TAF6: variants seen among roughly 807,000 people sequenced by gnomAD.
The protein encoded by TAF6 is transcription initiation factor TFIID subunit 6.
TAF6 carries 50 observed loss-of-function variants against 73.5 expected under a neutral mutation model. That is an observed-to-expected ratio of 0.68 (90% CI 0.54 to 0.86). TAF6 has a LOEUF of 0.86. Among genes scored for constraint, TAF6 ranks in the 40% least tolerant of loss-of-function variants. The probability of loss-of-function intolerance (pLI) is 0.00; values close to 1 mark genes in which losing one functional copy is unlikely to be tolerated. For synonymous variants in TAF6, 424 were observed against 376.7 expected (o/e 1.13, Z -1.45); for missense variants, 768 against 899.5 (o/e 0.85, Z 1.87).
Position 100,108,421 on chromosome 7 carries a change from G to T in TAF6, c.1404C>A (p.Ala468=). ...LLCSQVVKAR[A]QAALQAQQVN... is the part of the protein sequence containing the mutation. Reference sequence around the variant, plus strand: ...CCTGCTGAGCCTGCAGAGCAGCCTGGGCCCGAGCCTTGACCACCTGGGAGC... The same window carrying T: ...CCTGCTGAGCCTGCAGAGCAGCCTGTGCCCGAGCCTTGACCACCTGGGAGC... Residue 468 remains alanine, a synonymous_variant, in exon 13 of 15, where the codon GCC becomes GCA. Coordinates refer to ENST00000453269, the MANE Select transcript of TAF6 (RefSeq NM_139315.3). 6.2e-7 allele frequency: 1 copy of T among 1,613,804 alleles called. No individual in the cohort carries two copies. The highest frequency in any genetic ancestry group is 8.5e-7 in the Non-Finnish European group (1 of 1,179,772).
At chr7:100,119,693 A>G (rs185765560), upstream of TAF6, 53 of 1,613,588 alleles carry the variant, frequency 3.3e-5, no homozygotes, top group Admixed American at 8.5e-4. Context: ...GACCCACACT[A>G]CCTTCCCGAA....
upstream of TAF6, among the ~76,000 whole-genome samples, chr7:100,123,766 C>T (rs887228466): frequency 6.6e-6 from 1 of 152,156 alleles, no homozygotes; most frequent in Non-Finnish European, 1.5e-5. Flanking sequence ...GTGATCCACC[C>T]GCCTTGGCCT....
chr7:100,120,027 G>T (rs377215761), upstream of TAF6: 144 of 568,524 alleles, frequency 2.5e-4, no homozygotes, highest in African/African-American at 2.6e-3. Flanking sequence ...AAGCGAACGT[G>T]TAGTGCCACC....
chr7:100,112,700 G>A, intron 6 of TAF6, 98 bp downstream of exon 6: 3 of 1,463,882 alleles, frequency 2.0e-6, no homozygotes, highest in Non-Finnish European at 2.7e-6. Context: ...GGGTGACAGA[G>A]TGAGACTCTG....
upstream of TAF6, among the ~76,000 whole-genome samples, chr7:100,123,643 C>G (rs969843165): frequency 2.6e-5 from 4 of 152,206 alleles, no homozygotes; most frequent in Non-Finnish European, 4.4e-5. Flanking sequence ...GCTTCAGCCT[C>G]CCGAGTAGCT....
rs1053754395 is a variant in TAF6 at position 100,107,246 on chromosome 7, T to C, written c.2034A>G (p.Ter678TrpextTer32). 1.3e-6 allele frequency: 2 copies of C among 1,522,906 alleles called. No homozygotes were observed. The highest frequency in any genetic ancestry group is 1.8e-6 in the Non-Finnish European group (2 of 1,138,708). The allele number at this position is 1,522,906 out of a possible 1,614,324, so 94.3% of individuals were successfully genotyped here. Reference protein sequence around the residue: ...PNSGSPQPAP* With the variant: ...PNSGSPQPAPW Reference sequence around the variant, plus strand: ...AATCCGGGGGCTGGCAGGTGGAGCATCACGGAGCAGGCTGAGGGGAGCCGG... The same window carrying C: ...AATCCGGGGGCTGGCAGGTGGAGCACCACGGAGCAGGCTGAGGGGAGCCGG... Residue 678 changes from the stop codon to tryptophan, a stop_lost, in exon 15 of 15, where the codon TGA (stop) becomes TGG (tryptophan). Transcript: ENST00000453269.
At chr7:100,124,453 G>A (rs1280011253), upstream of TAF6, 1 of 1,337,864 alleles carries the variant, frequency 7.5e-7, no homozygotes, top group East Asian at 2.3e-5. Flanking sequence ...AGGGAGAGAA[G>A]ACAGGCGGGA....
chr7:100,108,226 T>G (rs1162172737), intron 13 of TAF6, 103 bp from the exon 14 acceptor site: 1 of 1,459,834 alleles, frequency 6.9e-7, no homozygotes, highest in African/African-American at 1.4e-5. Flanking sequence ...TGGCTCTCAC[T>G]AGGGCTGGGG....
In TAF6 at chr7:100,119,315, G is replaced by C. The variant is rs1049509838; in HGVS notation, c.-171C>G. 3.9e-6 allele frequency: 4 copies of C among 1,026,124 alleles called. No individual in the cohort carries two copies. The African/African-American group carries it at 5.2e-5, about 13-fold the overall frequency. The allele number at this position is 1,026,124 out of a possible 1,614,324, so 63.6% of individuals were successfully genotyped here. ...GAGCAGGAAAACTCTAGCGGCAGCC[G>C]AGACGCTGCTCACCCGGCGCTCGGC... On this transcript the variant is annotated 5_prime_UTR_variant, in exon 1 of 15. Coordinates refer to ENST00000453269, the MANE Select transcript of TAF6 (RefSeq NM_139315.3).
chr7:100,117,168 C>A lies in TAF6; in HGVS notation c.-60+2036G>T, dbSNP rs145498269. On this transcript the variant is annotated intron_variant, in intron 1 of 14. Transcript: ENST00000453269. ...GGCTGAGGCAGGAGAATTGCTTGAA[C>A]CCAGGAGGTGGAGGTTGCAGTGAGT... is the stretch of plus-strand genomic sequence containing the variant. Among the ~76,000 whole-genome samples, 791 of 151,956 alleles carry A rather than the reference C, an allele frequency of 5.2e-3. 5 individuals are homozygous for A. Among genetic ancestry groups the A allele is most frequent in the Non-Finnish European group, 8.9e-3 (603 of 67,936 alleles).
At chr7:100,124,296 G>A, upstream of TAF6, 1 of 522,638 alleles carries the variant, frequency 1.9e-6, no homozygotes, top group South Asian at 2.5e-5. Flanking sequence ...ATATTTTACA[G>A]GCAAGGAGCT....
chr7:100,121,116 A>ATATATATATTG (rs1584585316), upstream of TAF6: 1 of 52,800 alleles, frequency 1.9e-5, no homozygotes, highest in Non-Finnish European at 3.2e-5. Context: ...ATATATATAT[A>ATATATATATTG]TTTTTTTTTT....
chr7:100,114,286 C>T lies in TAF6; in HGVS notation c.-59-18G>A, dbSNP rs1797490529. On this transcript the variant is annotated intron_variant, in intron 1 of 14. Coordinates refer to ENST00000453269, the MANE Select transcript of TAF6 (RefSeq NM_139315.3). ...CGGAGACCCTGGCAGAGGAACGGGG[C>T]AGGCAGAAGAAAAAGAAACGTGAGA... The T allele has an allele frequency of 6.2e-7, 1 of 1,609,246 alleles. No homozygotes were observed. Among genetic ancestry groups the T allele is most frequent in the South Asian group, 1.1e-5 (1 of 91,016 alleles).
At chr7:100,126,732 C>T in the TAF6 span, 2 of 152,562 alleles carry the variant, frequency 1.3e-5, no homozygotes, top group East Asian at 1.9e-4. Flanking sequence ...TCACATGAGC[C>T]CAGGAGGTTG....
In TAF6 at chr7:100,113,608, C is replaced by T; in HGVS notation, c.397+8G>A. 1 of 1,613,740 alleles carries T rather than the reference C, an allele frequency of 6.2e-7. No individual in the cohort carries two copies. Among genetic ancestry groups the T allele is most frequent in the Non-Finnish European group, 8.5e-7 (1 of 1,179,824 alleles). On this transcript the variant is annotated splice_region_variant and intron_variant, in intron 4 of 14. Coordinates refer to ENST00000453269, the MANE Select transcript of TAF6 (RefSeq NM_139315.3). The stretch of plus-strand genomic sequence containing the variant: ...CCTCCCTGCCACCCTGCTCTCCCCT[C>T]CCCCAACCTTTGAGGCAGACGTCCA...
In TAF6 at chr7:100,111,166, C is replaced by G. The variant is rs1797151315; in HGVS notation, c.1056G>C (p.Gln352His). The G allele has an allele frequency of 1.1e-5, 18 of 1,614,064 alleles. No homozygotes were observed. Among genetic ancestry groups the G allele is most frequent in the Non-Finnish European group, 1.5e-5 (18 of 1,180,010 alleles). ...KHFSTTTNNI[Q>H]SRITKTFTKS... ...TGGTGAAGGTCTTGGTGATCCGGGA[C>G]TGGATGTTGTTAGTGGTTGTGCTAA... The change falls in exon 10 of 15, where the codon CAG becomes CAC. Residue 352 changes from glutamine to histidine, a missense_variant. Coordinates refer to ENST00000453269, the MANE Select transcript of TAF6 (RefSeq NM_139315.3).
intron 4 of TAF6, 69 bp downstream of exon 4, chr7:100,113,547 C>A: frequency 6.4e-7 from 1 of 1,565,104 alleles, no homozygotes; most frequent in Non-Finnish European, 8.7e-7. Context: ...TATTGTGAGG[C>A]TCCTCACACC....
At position 100,113,742 on chromosome 7, in the gene TAF6, A is replaced by G. The variant is rs1340378902; in HGVS notation, c.271T>C (p.Phe91Leu). 6.2e-7 allele frequency: 1 copy of G among 1,613,654 alleles called. No individual in the cohort carries two copies. The highest frequency in any genetic ancestry group is 8.5e-7 in the Non-Finnish European group (1 of 1,179,904). The change falls in exon 4 of 15, where the codon TTC becomes CTC. Residue 91 changes from phenylalanine to leucine, a missense_variant. Coordinates refer to ENST00000453269, the MANE Select transcript of TAF6 (RefSeq NM_139315.3). Reference sequence around the variant, plus strand: ...CCAGAGGCGAAGCGGAAAGGAATGAACTCCTGGGCGTGGAAGCCATAGAGT... The same window carrying G: ...CCAGAGGCGAAGCGGAAAGGAATGAGCTCCTGGGCGTGGAAGCCATAGAGT... The part of the protein sequence containing the change: ...EPLYGFHAQE[F>L]IPFRFASGGG...
chr7:100,111,699 T>C (rs996122614), intron 9 of TAF6, 29 bp downstream of exon 9: 1 of 1,610,420 alleles, frequency 6.2e-7, no homozygotes. Flanking sequence ...CCCTAGTCCC[T>C]GGAAGGGAGG....
Sources: allele counts gnomAD v4.1 joint callset (sites outside exome capture counted in the v4.1 genomes callset), GRCh38; gene constraint gnomAD v4.1.1; transcripts MANE v1.5; gene names NCBI Gene and HGNC (gene_info 2026-07-23, HGNC 2026-07-21).